The following EPB41L4B variants were observed in gnomAD, a reference collection of about 807,000 sequenced individuals.
EPB41L4B encodes erythrocyte membrane protein band 4.1 like 4B.
In EPB41L4B, 30 loss-of-function variants were observed where a neutral mutation model predicts 112.5. That is an observed-to-expected ratio of 0.27 (90% CI 0.20 to 0.36). The LOEUF is 0.36. Among genes scored for constraint, EPB41L4B ranks in the 10% least tolerant of loss-of-function variants. EPB41L4B has a pLI of 1.00. For synonymous variants in EPB41L4B, 408 were observed against 439.7 expected (o/e 0.93, Z 0.90); for missense variants, 1,024 against 1,133.3 (o/e 0.90, Z 1.38).
chr9:109,245,443 T>C (rs1410221522), intron 14 of EPB41L4B, among the ~76,000 whole-genome samples: 6 of 152,240 alleles, frequency 3.9e-5, no homozygotes, highest in African/African-American at 9.6e-5. Context: ...AGGAGTATTT[T>C]AGTGTTAACC....
At chr9:109,245,687 A>C (rs957331214) in intron 14 of EPB41L4B, among the ~76,000 whole-genome samples, 1 of 152,136 alleles carries the variant, frequency 6.6e-6, no homozygotes, top group Non-Finnish European at 1.5e-5. Flanking sequence ...AAATAAGATA[A>C]ATGCTGCAAC....
intron 1 of EPB41L4B, among the ~76,000 whole-genome samples, chr9:109,313,060 G>C (rs926547554): frequency 4.6e-5 from 7 of 152,002 alleles, no homozygotes; most frequent in African/African-American, 7.3e-5. Context: ...GGGCAATATA[G>C]TGAGACCCCA....
At chr9:109,176,050 G>GCACACACA (rs58215877) in intron 25 of EPB41L4B, among the ~76,000 whole-genome samples, 137 of 32,962 alleles carry the variant, frequency 4.2e-3, no homozygotes, top group Admixed American at 3.0e-3. Flanking sequence ...TCACACACAC[G>GCACACACA]CACACACACA....
At chr9:109,317,288 CAA>C (rs1168519393) in intron 1 of EPB41L4B, among the ~76,000 whole-genome samples, 4 of 152,242 alleles carry the variant, frequency 2.6e-5, no homozygotes, top group Non-Finnish European at 4.4e-5. Flanking sequence ...TCTCAAGTGT[CAA>C]AGTCTCCTGG....
intron 15 of EPB41L4B, among the ~76,000 whole-genome samples, chr9:109,226,710 AGAATATATATATGAAG>A (rs1340557192): frequency 9.9e-5 from 14 of 141,636 alleles, no homozygotes; most frequent in African/African-American, 3.3e-4. Context: ...ATATATATGA[AGAATATATATATGAAG>A]TATATATATG....
rs545214055 is a variant in EPB41L4B, at chr9:109,306,378, G to A, written c.306+13763C>T. 8.5e-5 allele frequency among the ~76,000 whole-genome samples: 13 copies of A among 152,240 alleles called. No homozygotes were observed. The South Asian group carries it at 2.1e-3, about 24-fold the overall frequency. On this transcript the variant is annotated intron_variant, in intron 1 of 25. Transcript: ENST00000374566. Reference sequence around the variant, plus strand: ...TGTAACCCCAGCACTTTGGGAGGCCGAGGTGGGGATGGATCACCTGAGGTC... The same window carrying A: ...TGTAACCCCAGCACTTTGGGAGGCCAAGGTGGGGATGGATCACCTGAGGTC...
At chr9:109,238,132 C>G (rs1310306732) in intron 15 of EPB41L4B, among the ~76,000 whole-genome samples, 1 of 152,092 alleles carries the variant, frequency 6.6e-6, no homozygotes, top group Non-Finnish European at 1.5e-5. Context: ...AGGATACTAC[C>G]CATCTCACAG....
At chr9:109,208,894 G>A (rs1312337629) in intron 17 of EPB41L4B, among the ~76,000 whole-genome samples, 2 of 151,904 alleles carry the variant, frequency 1.3e-5, no homozygotes, top group East Asian at 1.9e-4. Flanking sequence ...TATGGTACCC[G>A]GCACATAGTA....
chr9:109,201,728 C>A (rs192179729), intron 19 of EPB41L4B, among the ~76,000 whole-genome samples: 3 of 151,936 alleles, frequency 2.0e-5, no homozygotes, highest in African/African-American at 7.2e-5. Context: ...CCTGGCTGAA[C>A]GCAGGGCACT....
intron 1 of EPB41L4B, among the ~76,000 whole-genome samples, chr9:109,308,173 G>T (rs1045462464): frequency 6.6e-6 from 1 of 152,002 alleles, no homozygotes; most frequent in Non-Finnish European, 1.5e-5. Flanking sequence ...GGTTCATGGA[G>T]GGCCTCCCGA....
At chr9:109,223,120 C>T (rs1377962187) in intron 15 of EPB41L4B, among the ~76,000 whole-genome samples, 1 of 152,150 alleles carries the variant, frequency 6.6e-6, no homozygotes, top group African/African-American at 2.4e-5. Context: ...TGCCAGACAA[C>T]CAAACATGTG....
At chr9:109,298,263 T>C (rs1236582734) in intron 1 of EPB41L4B, among the ~76,000 whole-genome samples, 3 of 152,026 alleles carry the variant, frequency 2.0e-5, no homozygotes, top group Admixed American at 6.6e-5. Flanking sequence ...CACAAAAAGT[T>C]AGCCTTTCCT....
At chr9:109,250,006 T>C (rs1834721405) in intron 13 of EPB41L4B, among the ~76,000 whole-genome samples, 1 of 152,154 alleles carries the variant, frequency 6.6e-6, no homozygotes, top group African/African-American at 2.4e-5. Flanking sequence ...GAAGGTGCCC[T>C]GGAGCTACGG....
At chr9:109,297,670 G>A (rs971733264) in intron 1 of EPB41L4B, among the ~76,000 whole-genome samples, 26 of 152,340 alleles carry the variant, frequency 1.7e-4, no homozygotes, top group Admixed American at 1.4e-3. Flanking sequence ...GCCTCGCTGC[G>A]TGGCAGCCCC....
At chr9:109,308,125 A>T (rs540509332) in intron 1 of EPB41L4B, among the ~76,000 whole-genome samples, 20 of 152,084 alleles carry the variant, frequency 1.3e-4, no homozygotes, top group Admixed American at 2.6e-4. Context: ...CATTCCCTAA[A>T]ATGTCTGCTG....
intron 5 of EPB41L4B, among the ~76,000 whole-genome samples, chr9:109,263,816 A>T (rs1332586545): frequency 2.0e-5 from 3 of 152,212 alleles, no homozygotes; most frequent in Non-Finnish European, 2.9e-5. Context: ...TAGATGAGGA[A>T]CTCAGTGTTA....
At chr9:109,236,148 TG>T (rs1324143721) in intron 15 of EPB41L4B, among the ~76,000 whole-genome samples, 1 of 152,234 alleles carries the variant, frequency 6.6e-6, no homozygotes, top group African/African-American at 2.4e-5. Context: ...GTGCTTAGAC[TG>T]GTGTATACAC....
intron 15 of EPB41L4B, among the ~76,000 whole-genome samples, chr9:109,235,705 A>G (rs1834117600): frequency 6.6e-6 from 1 of 152,156 alleles, no homozygotes; most frequent in Non-Finnish European, 1.5e-5. Context: ...GCCTTGAGCT[A>G]TTTTGAATCT....
intron 1 of EPB41L4B, among the ~76,000 whole-genome samples, chr9:109,298,178 G>C (rs1237115964): frequency 6.6e-6 from 1 of 152,146 alleles, no homozygotes; most frequent in African/African-American, 2.4e-5. Context: ...AGATTATCAA[G>C]ATTATTTCCC....
Sources: allele counts gnomAD v4.1 joint callset (sites outside exome capture counted in the v4.1 genomes callset), GRCh38; gene constraint gnomAD v4.1.1; transcripts MANE v1.5; gene names NCBI Gene and HGNC (gene_info 2026-07-23, HGNC 2026-07-21).